The following DOK5 variants were observed in gnomAD, a reference collection of about 807,000 sequenced individuals.
DOK5 encodes docking protein 5.
A neutral mutation model predicts 43.3 loss-of-function variants in DOK5; 27 were observed. That is an observed-to-expected ratio of 0.62 (90% CI 0.46 to 0.86). DOK5 has a LOEUF of 0.86. Among genes scored for constraint, DOK5 ranks in the 40% least tolerant of loss-of-function variants. The pLI, the probability that DOK5 is intolerant of heterozygous loss-of-function variation, is 0.00. For missense variants in DOK5, 373 were observed against 392.9 expected (o/e 0.95, Z 0.43); for synonymous variants, 146 against 140.1 (o/e 1.04, Z -0.30).
intron 6 of DOK5, among the ~76,000 whole-genome samples, chr20:54,617,179 T>G (rs1302608774): frequency 2.0e-5 from 3 of 152,148 alleles, no homozygotes; most frequent in Admixed American, 6.5e-5. Context: ...TGCTGGCTGT[T>G]GGACAGAGGC....
intron 1 of DOK5, among the ~76,000 whole-genome samples, chr20:54,549,833 C>A (rs16999757): frequency 0.022 from 3,365 of 152,194 alleles, 119 homozygotes; most frequent in African/African-American, 0.076. Context: ...TGAACACATT[C>A]TTGGGGCATG....
At chr20:54,500,789 A>C (rs190124577) in intron 1 of DOK5, among the ~76,000 whole-genome samples, 17 of 152,056 alleles carry the variant, frequency 1.1e-4, no homozygotes, top group Admixed American at 6.5e-4. Flanking sequence ...TCGAACTCCC[A>C]ACCTCAGGTG....
In DOK5 at chr20:54,475,902, CG is replaced by C. The variant is rs1162987813; in HGVS notation, c.-42del. ...CCCTCCACCCTCCCCAGAGCCACTT[CG>C]GGTGCGCGCTCTTGGGTAAAGGGGG... On this transcript the variant is annotated 5_prime_UTR_variant, in exon 1 of 8. Coordinates refer to ENST00000262593, the MANE Select transcript of DOK5 (RefSeq NM_018431.5). The surrounding 1 kb of genome is among the most constrained non-coding windows in gnomAD (Gnocchi z 4.2). 5 of 1,607,736 alleles carry C rather than the reference CG, an allele frequency of 3.1e-6. No individual in the cohort carries two copies. The African/African-American group carries it at 6.7e-5, about 22-fold the overall frequency.
intron 1 of DOK5, among the ~76,000 whole-genome samples, chr20:54,491,172 C>A (rs913674630): frequency 2.0e-5 from 3 of 152,152 alleles, no homozygotes; most frequent in Non-Finnish European, 4.4e-5. Flanking sequence ...TTATTCATTT[C>A]TTTGTTGCTT....
chr20:54,542,477 A>G (rs1048943623), intron 1 of DOK5, among the ~76,000 whole-genome samples: 1 of 152,224 alleles, frequency 6.6e-6, no homozygotes, highest in Admixed American at 6.5e-5. Context: ...AAGGCATTGG[A>G]GACAGAGAAG....
chr20:54,501,249 G>C (rs577658461), intron 1 of DOK5, among the ~76,000 whole-genome samples: 8 of 151,910 alleles, frequency 5.3e-5, no homozygotes, highest in East Asian at 3.9e-4. Context: ...GGGTGGATCA[G>C]GAGGTCAGGA....
intron 1 of DOK5, among the ~76,000 whole-genome samples, chr20:54,519,234 T>C (rs1983308371): frequency 6.6e-6 from 1 of 152,212 alleles, no homozygotes; most frequent in Non-Finnish European, 1.5e-5. Context: ...TTTATTGTGC[T>C]CTAGTAGTTT....
intron 2 of DOK5, among the ~76,000 whole-genome samples, chr20:54,564,195 G>A (rs1161271938): frequency 6.6e-6 from 1 of 152,128 alleles, no homozygotes; most frequent in Non-Finnish European, 1.5e-5. Flanking sequence ...AGGCTGAGGT[G>A]AGCGGATCAT....
chr20:54,571,469 C>T (rs1169897984), intron 2 of DOK5, among the ~76,000 whole-genome samples: 1 of 152,166 alleles, frequency 6.6e-6, no homozygotes, highest in East Asian at 1.9e-4. Context: ...TCCACTTTTA[C>T]TATATATAAC....
chr20:54,478,986 T>G (rs1981552693), intron 1 of DOK5, among the ~76,000 whole-genome samples: 1 of 152,270 alleles, frequency 6.6e-6, no homozygotes, highest in African/African-American at 2.4e-5. Flanking sequence ...TATACATATA[T>G]GTGTATGTGT....
intron 1 of DOK5, among the ~76,000 whole-genome samples, chr20:54,488,599 C>T (rs2146665148): frequency 6.6e-6 from 1 of 152,004 alleles, no homozygotes; most frequent in South Asian, 2.1e-4. Context: ...TAGCCAAGTC[C>T]CTGGCCTCAT....
chr20:54,497,458 T>G (rs1982444973), intron 1 of DOK5, among the ~76,000 whole-genome samples: 1 of 152,216 alleles, frequency 6.6e-6, no homozygotes, highest in Admixed American at 6.5e-5. Context: ...ATAGGTAACA[T>G]CTTCTAAATG....
rs78174623 is a variant in DOK5, at chr20:54,623,414, C to T, written c.735+12891C>T. Among the ~76,000 whole-genome samples the T allele has an allele frequency of 7.6e-3, 1,159 of 152,152 alleles. 4 individuals carry two copies. Among genetic ancestry groups the T allele is most frequent in the African/African-American group, 0.027 (1,106 of 41,512 alleles). On this transcript the variant is annotated intron_variant, in intron 6 of 7. Transcript: ENST00000262593. ...TGAATATCGCTTATGAGCTGTGCAA[C>T]CCAGCTTCTGTTTGCCTTGTTCACA...
At chr20:54,615,395 C>T (rs1266164611) in intron 6 of DOK5, among the ~76,000 whole-genome samples, 1 of 152,038 alleles carries the variant, frequency 6.6e-6, no homozygotes, top group African/African-American at 2.4e-5. Flanking sequence ...CCTGAGATGG[C>T]GACAGTATCC....
intron 5 of DOK5, among the ~76,000 whole-genome samples, chr20:54,605,849 T>G (rs1210282750): frequency 6.6e-6 from 1 of 152,258 alleles, no homozygotes; most frequent in African/African-American, 2.4e-5. Flanking sequence ...ATGGAAGCTC[T>G]CTTTACTTCA....
chr20:54,644,522 G>A (rs1286942138), intron 7 of DOK5, among the ~76,000 whole-genome samples: 3 of 150,122 alleles, frequency 2.0e-5, no homozygotes, highest in Non-Finnish European at 4.4e-5. Context: ...GGCTAACACA[G>A]TGAAACCCCG....
intron 1 of DOK5, among the ~76,000 whole-genome samples, chr20:54,527,659 T>C (rs1177367758): frequency 1.3e-5 from 2 of 152,110 alleles, no homozygotes; most frequent in Admixed American, 6.6e-5. Flanking sequence ...AGAAATGGAT[T>C]TGAGAAAGAA....
At chr20:54,595,952 G>A (rs1986128858) in intron 5 of DOK5, among the ~76,000 whole-genome samples, 1 of 152,192 alleles carries the variant, frequency 6.6e-6, no homozygotes, top group African/African-American at 2.4e-5. Context: ...GTAGGTAAAG[G>A]CAGAAATGCA....
chr20:54,602,675 T>G (rs1488386831), intron 5 of DOK5, among the ~76,000 whole-genome samples: 2 of 152,182 alleles, frequency 1.3e-5, no homozygotes, highest in East Asian at 3.9e-4. Context: ...TGATAACAAT[T>G]TTTTAATGTA....
Sources: allele counts gnomAD v4.1 joint callset (sites outside exome capture counted in the v4.1 genomes callset), GRCh38; gene constraint gnomAD v4.1.1; non-coding constraint Gnocchi (gnomAD v3.1); transcripts MANE v1.5; gene names NCBI Gene and HGNC (gene_info 2026-07-23, HGNC 2026-07-21).